SUCLG2: variants seen among roughly 807,000 people sequenced by gnomAD.
The protein encoded by SUCLG2 is succinate-CoA ligase GDP-forming subunit beta, also known as succinate--CoA ligase [GDP-forming] subunit beta, mitochondrial.
A neutral mutation model predicts 47.9 loss-of-function variants in SUCLG2; 42 were observed. The ratio of observed to expected loss-of-function variants is 0.88; its 90% CI spans 0.69 to 1.14. The LOEUF is 1.14. SUCLG2 is among the 50% of genes most tolerant of loss of function. The pLI is 0.00. For synonymous variants in SUCLG2, 195 were observed against 197.3 expected (o/e 0.99, Z 0.10); for missense variants, 571 against 525.9 (o/e 1.09, Z -0.84).
intron 9 of SUCLG2, among the ~76,000 whole-genome samples, chr3:67,458,157 A>G (rs755133248): frequency 6.6e-6 from 1 of 152,180 alleles, no homozygotes; most frequent in Non-Finnish European, 1.5e-5. Flanking sequence ...GAATGCAGTC[A>G]CACGAATGAA....
At chr3:67,404,405 A>G (rs901030041) in intron 9 of SUCLG2, among the ~76,000 whole-genome samples, 5 of 151,410 alleles carry the variant, frequency 3.3e-5, no homozygotes, top group Admixed American at 2.0e-4. Context: ...ACACAAAAGA[A>G]TAAGAGAGAG....
At chr3:67,442,597 T>C (rs955060041) in intron 9 of SUCLG2, among the ~76,000 whole-genome samples, 6 of 152,180 alleles carry the variant, frequency 3.9e-5, no homozygotes, top group Non-Finnish European at 7.4e-5. Flanking sequence ...AAAGTGTTTT[T>C]CAGATATGAC....
At chr3:67,549,420 G>A (rs1194219500) in intron 2 of SUCLG2, among the ~76,000 whole-genome samples, 1 of 152,110 alleles carries the variant, frequency 6.6e-6, no homozygotes, top group African/African-American at 2.4e-5. Context: ...GAAGATAAAA[G>A]CCAAAACATA....
At chr3:67,434,264 G>A (rs959287714) in intron 9 of SUCLG2, among the ~76,000 whole-genome samples, 7 of 152,140 alleles carry the variant, frequency 4.6e-5, no homozygotes, top group Non-Finnish European at 8.8e-5. Flanking sequence ...AGTGGCTCAC[G>A]TCCGTTATCC....
chr3:67,601,957 G>T (rs916372521), intron 2 of SUCLG2, among the ~76,000 whole-genome samples: 9 of 151,410 alleles, frequency 5.9e-5, no homozygotes, highest in African/African-American at 1.9e-4. Context: ...ACTCCAGCCG[G>T]GGCGACAGAG....
In SUCLG2 at chr3:67,517,466, CCTCT is replaced by C. The variant is rs528836594; in HGVS notation, c.660+777_660+780del. Among the ~76,000 whole-genome samples, 14 of 152,212 alleles carry C rather than the reference CCTCT, an allele frequency of 9.2e-5. No homozygotes were observed. In the South Asian group the frequency reaches 2.9e-3, roughly 32 times the overall value. ...ACACAATCTAGGGCCATTAAGGTGG[CCTCT>C]CTGAGTAACAGAGGAAGGAACAAGT... On this transcript the variant is annotated intron_variant, in intron 6 of 10. Coordinates refer to ENST00000307227, the MANE Select transcript of SUCLG2 (RefSeq NM_003848.4).
intron 1 of SUCLG2, among the ~76,000 whole-genome samples, chr3:67,633,103 G>T (rs1263158151): frequency 6.6e-6 from 1 of 152,130 alleles, no homozygotes; most frequent in South Asian, 2.1e-4. Context: ...GGAGGATGAA[G>T]GTACAGGTAG....
At chr3:67,637,133 T>C (rs9872806) in intron 1 of SUCLG2, among the ~76,000 whole-genome samples, 2,736 of 152,242 alleles carry the variant, frequency 0.018, 89 homozygotes, top group African/African-American at 0.062. Flanking sequence ...AGGACAGATT[T>C]GTCAACATCA....
At chr3:67,442,788 C>T (rs1174268921) in intron 9 of SUCLG2, among the ~76,000 whole-genome samples, 2 of 152,116 alleles carry the variant, frequency 1.3e-5, no homozygotes, top group Non-Finnish European at 2.9e-5. Flanking sequence ...TATACTAATG[C>T]TAAACATATT....
At chr3:67,476,166 C>T (rs1353721592) in intron 9 of SUCLG2, among the ~76,000 whole-genome samples, 4 of 151,974 alleles carry the variant, frequency 2.6e-5, no homozygotes, top group Non-Finnish European at 5.9e-5. Flanking sequence ...ACAGCTGTCC[C>T]TAATCCCCAA....
At position 67,568,797 on chromosome 3, in the gene SUCLG2, G is replaced by C. The variant is rs551984598; in HGVS notation, c.227-39611C>G. 1.2e-4 allele frequency among the ~76,000 whole-genome samples: 19 copies of C among 152,308 alleles called. No homozygotes were observed. In the South Asian group the frequency reaches 1.9e-3, roughly 15 times the overall value. On this transcript the variant is annotated intron_variant, in intron 2 of 10. Transcript: ENST00000307227. Reference sequence around the variant, plus strand: ...AGCTACTGGGGAGGCTGAGGCAGGAGAATGGCGTGAACCCGGGAGGCGGAG... The same window carrying C: ...AGCTACTGGGGAGGCTGAGGCAGGACAATGGCGTGAACCCGGGAGGCGGAG...
intron 2 of SUCLG2, among the ~76,000 whole-genome samples, chr3:67,558,331 C>CA (rs35100169): frequency 0.011 from 1,296 of 114,918 alleles, 11 homozygotes; most frequent in Middle Eastern, 0.03. Context: ...TCTTTGACAC[C>CA]AAAAAAAAAA....
chr3:67,374,806 C>T lies in SUCLG2; in HGVS notation c.*938G>A. The T allele has an allele frequency of 1.0e-6, 1 of 980,680 alleles. No homozygotes were observed. Among genetic ancestry groups the T allele is most frequent in the Non-Finnish European group, 1.2e-6 (1 of 828,256 alleles). 60.7% of individuals were successfully genotyped at this position (980,680 alleles called of 1,614,324 possible). A position where few individuals can be genotyped will look rare whatever the true frequency, so the allele number is the denominator to read the frequency against. ...ACAAAAATTTTATCCAAATCCTTTC[C>T]CACAACAAAATTGGACATCATGGAA... On this transcript the variant is annotated 3_prime_UTR_variant, in exon 11 of 11. Coordinates refer to ENST00000307227, the MANE Select transcript of SUCLG2 (RefSeq NM_003848.4).
rs1411373839 is a variant in SUCLG2 at position 67,394,539 on chromosome 3, C to T, written c.1183+6192G>A. Among the ~76,000 whole-genome samples the T allele has an allele frequency of 1.6e-3, 238 of 151,052 alleles. 1 individual carries two copies. The highest frequency in any genetic ancestry group is 6.8e-3 in the Middle Eastern group (2 of 292). On this transcript the variant is annotated intron_variant, in intron 10 of 10. Transcript: ENST00000307227. ...GGACTATGTGAAAAGATCAAATCTA[C>T]GTCTCATTGGTGTACCTGAAAGTGA...
At chr3:67,618,073 G>A (rs1700662250) in intron 1 of SUCLG2, among the ~76,000 whole-genome samples, 1 of 152,152 alleles carries the variant, frequency 6.6e-6, no homozygotes, top group Non-Finnish European at 1.5e-5. Context: ...AAAAAGAACA[G>A]TAATTTGCAA....
Position 67,561,052 on chromosome 3 carries a change from A to G in SUCLG2, c.227-31866T>C, listed in dbSNP as rs78161794. ...TCTAGAATGCTAGGCTTCTGACTCC[A>G]CAAGATGCTAAAAGAACACAAAAAA... On this transcript the variant is annotated intron_variant, in intron 2 of 10. Transcript: ENST00000307227. Among the ~76,000 whole-genome samples, 626 of 147,108 alleles carry G rather than the reference A, an allele frequency of 4.3e-3. 9 individuals are homozygous for G. In the East Asian group the frequency reaches 0.05, roughly 12 times the overall value.
At chr3:67,612,920 T>G (rs1427487816) in intron 1 of SUCLG2, among the ~76,000 whole-genome samples, 1 of 152,190 alleles carries the variant, frequency 6.6e-6, no homozygotes, top group Non-Finnish European at 1.5e-5. Flanking sequence ...CAAAAACCAC[T>G]GCTGACATTT....
At chr3:67,473,462 A>C (rs1469654616) in intron 9 of SUCLG2, among the ~76,000 whole-genome samples, 1 of 152,182 alleles carries the variant, frequency 6.6e-6, no homozygotes, top group Non-Finnish European at 1.5e-5. Context: ...GAAGAATAGA[A>C]ATTAACTTAG....
intron 1 of SUCLG2, among the ~76,000 whole-genome samples, chr3:67,633,838 T>G (rs1700965750): frequency 1.3e-5 from 2 of 152,202 alleles, no homozygotes; most frequent in Non-Finnish European, 2.9e-5. Flanking sequence ...CTCCGCTTTC[T>G]GCCTACTTTT....
Sources: allele counts gnomAD v4.1 joint callset (sites outside exome capture counted in the v4.1 genomes callset), GRCh38; gene constraint gnomAD v4.1.1; transcripts MANE v1.5; gene names NCBI Gene and HGNC (gene_info 2026-07-23, HGNC 2026-07-21).